The following ARL8B variants were observed in gnomAD, a reference collection of about 807,000 sequenced individuals.
The protein encoded by ARL8B is ARF like GTPase 8B, also known as ADP-ribosylation factor-like protein 8B.
Under a neutral mutation model 30.6 loss-of-function variants are expected in ARL8B, and 9 were observed. That is an observed-to-expected ratio of 0.29 (90% confidence interval 0.18 to 0.51). ARL8B has a LOEUF of 0.51. Among genes scored for constraint, ARL8B ranks in the 20% least tolerant of loss-of-function variants. The pLI, the probability that ARL8B is intolerant of heterozygous loss-of-function variation, is 0.97. For missense variants in ARL8B, 130 were observed against 227.2 expected (o/e 0.57, Z 2.75); for synonymous variants, 74 against 76.0 (o/e 0.97, Z 0.14).
chr3:5,125,991 T>C (rs535495336), intron 1 of ARL8B, among the ~76,000 whole-genome samples: 2 of 152,174 alleles, frequency 1.3e-5, no homozygotes, highest in Non-Finnish European at 2.9e-5. Context: ...TTGTACTCCA[T>C]AAATGTATAC....
intron 1 of ARL8B, among the ~76,000 whole-genome samples, chr3:5,144,292 C>A (rs1047806674): frequency 6.6e-6 from 1 of 152,192 alleles, no homozygotes. Context: ...AGTTTTCCTA[C>A]TTTGGGCATT....
chr3:5,167,205 TTATGACAGTGACAGCTCCA>T (rs1171545039), intron 1 of ARL8B, among the ~76,000 whole-genome samples: 2 of 152,218 alleles, frequency 1.3e-5, no homozygotes, highest in Non-Finnish European at 2.9e-5. Context: ...AGGGTAAGCA[TTATGACAGTGACAGCTCCA>T]TCTGCCATCA....
intron 1 of ARL8B, among the ~76,000 whole-genome samples, chr3:5,129,682 G>A (rs913913796): frequency 6.6e-6 from 1 of 152,026 alleles, no homozygotes; most frequent in East Asian, 1.9e-4. Flanking sequence ...AAGTAGTAGG[G>A]ACCACAGGCG....
intron 1 of ARL8B, among the ~76,000 whole-genome samples, chr3:5,140,706 A>T (rs2054366034): frequency 6.6e-6 from 1 of 152,130 alleles, no homozygotes; most frequent in Non-Finnish European, 1.5e-5. Context: ...AGCCGTATGT[A>T]TGGAGCTGTG....
At chr3:5,129,468 G>A (rs141015262) in intron 1 of ARL8B, among the ~76,000 whole-genome samples, 1 of 152,268 alleles carries the variant, frequency 6.6e-6, no homozygotes, top group African/African-American at 2.4e-5. Context: ...ATTAGATACT[G>A]CTCTGTTTGT....
intron 6 of ARL8B, among the ~76,000 whole-genome samples, chr3:5,176,516 G>A (rs1473528656): frequency 6.6e-6 from 1 of 152,192 alleles, no homozygotes; most frequent in African/African-American, 2.4e-5. Context: ...ACAGGCATGA[G>A]CCACCACGCC....
chr3:5,129,411 A>C (rs2054261453), intron 1 of ARL8B, among the ~76,000 whole-genome samples: 1 of 152,208 alleles, frequency 6.6e-6, no homozygotes, highest in South Asian at 2.1e-4. Flanking sequence ...TTTTTAGGAC[A>C]AACATAGTTT....
chr3:5,159,089 C>G (rs1047600674), intron 1 of ARL8B, among the ~76,000 whole-genome samples: 2 of 150,186 alleles, frequency 1.3e-5, no homozygotes, highest in Non-Finnish European at 3.0e-5. Context: ...CAAAACCCTA[C>G]ATGCGGGCAT....
chr3:5,141,635 C>T (rs570906807), intron 1 of ARL8B, among the ~76,000 whole-genome samples: 5 of 152,308 alleles, frequency 3.3e-5, no homozygotes, highest in East Asian at 1.9e-4. Flanking sequence ...GCATTTTCTG[C>T]CTGTTCGTTG....
intron 1 of ARL8B, among the ~76,000 whole-genome samples, chr3:5,163,691 G>A (rs890541282): frequency 3.3e-5 from 5 of 152,126 alleles, no homozygotes; most frequent in Admixed American, 2.6e-4. Flanking sequence ...CCAACATGGC[G>A]AAACCCCGTC....
chr3:5,180,030 T>C lies in ARL8B; in HGVS notation c.*1317T>C, dbSNP rs1393373926. 6.5e-6 allele frequency: 1 copy of C among 152,678 alleles called. No homozygotes were observed. The highest frequency in any genetic ancestry group is 1.5e-5 in the Non-Finnish European group (1 of 68,044). 9.5% of individuals were successfully genotyped at this position (152,678 alleles called of 1,614,324 possible). ...TTATTATTCATATAGACCACTGTAG[T>C]AGATAAAACTCTATGGTACACCTGC... On this transcript the variant is annotated 3_prime_UTR_variant, in exon 7 of 7. Transcript: ENST00000256496.
chr3:5,173,119 T>C (rs1183603259), intron 4 of ARL8B, among the ~76,000 whole-genome samples: 1 of 152,114 alleles, frequency 6.6e-6, no homozygotes, highest in Non-Finnish European at 1.5e-5. Flanking sequence ...ATGAGAGTTG[T>C]AATTTAGAGG....
intron 1 of ARL8B, among the ~76,000 whole-genome samples, chr3:5,130,532 G>GT (rs1277944962): frequency 1.5e-3 from 232 of 150,872 alleles, no homozygotes; most frequent in Middle Eastern, 0.01. Flanking sequence ...GTGTGTGTGT[G>GT]TGTTTTTTTT....
intron 1 of ARL8B, among the ~76,000 whole-genome samples, chr3:5,154,009 T>C (rs974749068): frequency 6.6e-6 from 1 of 152,194 alleles, no homozygotes; most frequent in Non-Finnish European, 1.5e-5. Flanking sequence ...TCAATTGTTA[T>C]TCTCTAATGT....
chr3:5,177,555 C>G (rs1033434725), intron 6 of ARL8B, among the ~76,000 whole-genome samples: 1 of 151,010 alleles, frequency 6.6e-6, no homozygotes, highest in Non-Finnish European at 1.5e-5. Context: ...CTCCTGGGTT[C>G]AAGTGATCTC....
intron 1 of ARL8B, among the ~76,000 whole-genome samples, chr3:5,136,047 C>G (rs1348310497): frequency 1.3e-5 from 2 of 150,748 alleles, no homozygotes; most frequent in Non-Finnish European, 3.0e-5. Context: ...CTCGGCCTCC[C>G]AAAGTGCTGG....
intron 1 of ARL8B, among the ~76,000 whole-genome samples, chr3:5,132,453 G>A (rs1043458274): frequency 6.6e-6 from 1 of 152,052 alleles, no homozygotes; most frequent in Non-Finnish European, 1.5e-5. Flanking sequence ...TGGCCAGGCT[G>A]GCCTTGAACT....
chr3:5,137,601 G>A (rs1279715083), intron 1 of ARL8B, among the ~76,000 whole-genome samples: 2 of 151,860 alleles, frequency 1.3e-5, no homozygotes, highest in Admixed American at 1.3e-4. Context: ...ACCATGCCTG[G>A]GTAATTTTTG....
intron 1 of ARL8B, among the ~76,000 whole-genome samples, chr3:5,148,322 G>A (rs1269866175): frequency 2.0e-5 from 3 of 152,130 alleles, no homozygotes; most frequent in African/African-American, 7.2e-5. Context: ...CCCTAAGAGG[G>A]AACATTGCTA....
Sources: gnomAD v4.1 joint callset for allele counts (sites outside exome capture counted in the v4.1 genomes callset) on GRCh38, gnomAD v4.1.1 for gene constraint, MANE v1.5 for transcripts, NCBI Gene and HGNC (gene_info 2026-07-23, HGNC 2026-07-21) for gene names.